SLC35F1: variants seen among roughly 807,000 people sequenced by gnomAD.
SLC35F1 encodes solute carrier family 35 member F1, also known as chromosome 6 open reading frame 169.
SLC35F1 carries 14 observed loss-of-function variants against 48.7 expected under a neutral mutation model. The ratio of observed to expected loss-of-function variants is 0.29; its 90% confidence interval spans 0.19 to 0.45. SLC35F1 has a LOEUF of 0.45. Ranked by LOEUF, SLC35F1 falls within the 20% of genes least tolerant of loss-of-function variation. SLC35F1 has a pLI of 1.00. For missense variants in SLC35F1, 404 were observed against 500.0 expected (o/e 0.81, Z 1.83); for synonymous variants, 190 against 202.2 (o/e 0.94, Z 0.51).
intron 1 of SLC35F1, among the ~76,000 whole-genome samples, chr6:118,113,265 T>C (rs59432410): frequency 0.13 from 19,995 of 152,026 alleles, 1,338 homozygotes; most frequent in South Asian, 0.28. Context: ...TTTTAAACTT[T>C]TTGTAGAGAT....
chr6:118,060,841 G>C, intron 1 of SLC35F1, among the ~76,000 whole-genome samples: 1 of 152,164 alleles, frequency 6.6e-6, no homozygotes, highest in Non-Finnish European at 1.5e-5. Context: ...TGGACATTGA[G>C]GCTCAGACAA....
chr6:118,244,256 G>A (rs1199854093), intron 3 of SLC35F1, among the ~76,000 whole-genome samples: 1 of 152,216 alleles, frequency 6.6e-6, no homozygotes, highest in Non-Finnish European at 1.5e-5. Context: ...CCCCAAAGTG[G>A]GGCTTAACCC....
intron 1 of SLC35F1, among the ~76,000 whole-genome samples, chr6:118,089,694 T>C (rs1193779545): frequency 6.6e-6 from 1 of 151,960 alleles, no homozygotes; most frequent in African/African-American, 2.4e-5. Flanking sequence ...CTTGGAAGAG[T>C]TGTGGATCTA....
At chr6:118,091,028 G>A (rs1003767584) in intron 1 of SLC35F1, among the ~76,000 whole-genome samples, 1 of 152,112 alleles carries the variant, frequency 6.6e-6, no homozygotes, top group African/African-American at 2.4e-5. Flanking sequence ...GAAAAAGAGA[G>A]AGAAATAAAA....
intron 7 of SLC35F1, among the ~76,000 whole-genome samples, chr6:118,313,074 A>G (rs1054038649): frequency 6.6e-6 from 1 of 152,180 alleles, no homozygotes; most frequent in African/African-American, 2.4e-5. Context: ...AATGGTAGGC[A>G]TCAACATATT....
intron 1 of SLC35F1, among the ~76,000 whole-genome samples, chr6:117,985,609 C>T (rs922733144): frequency 5.0e-4 from 3 of 5,972 alleles, no homozygotes; most frequent in Non-Finnish European, 1.2e-3. Context: ...AGTTGAGTGG[C>T]ATAACTATCT....
intron 1 of SLC35F1, among the ~76,000 whole-genome samples, chr6:117,982,930 CTACAAA>C (rs1582599473): frequency 1.3e-5 from 2 of 152,244 alleles, no homozygotes; most frequent in East Asian, 1.9e-4. Flanking sequence ...AGGAGACTCT[CTACAAA>C]TACATTTATT....
At chr6:118,001,675 G>T (rs1314290551) in intron 1 of SLC35F1, among the ~76,000 whole-genome samples, 2 of 152,044 alleles carry the variant, frequency 1.3e-5, no homozygotes, top group African/African-American at 2.4e-5. Context: ...CCTACAAAAT[G>T]GAAGAAAATT....
At chr6:117,977,002 A>G (rs1776713985) in intron 1 of SLC35F1, among the ~76,000 whole-genome samples, 1 of 152,216 alleles carries the variant, frequency 6.6e-6, no homozygotes, top group African/African-American at 2.4e-5. Context: ...ACTGTCCAGT[A>G]TTCAATTTTA....
intron 1 of SLC35F1, among the ~76,000 whole-genome samples, chr6:118,112,070 T>TTTA (rs1166380582): frequency 6.8e-6 from 1 of 147,008 alleles, no homozygotes; most frequent in African/African-American, 2.6e-5. Context: ...CTTTCTTTCT[T>TTTA]TTTCTTTATT....
intron 5 of SLC35F1, among the ~76,000 whole-genome samples, chr6:118,276,359 A>G (rs1250281321): frequency 6.6e-6 from 1 of 152,232 alleles, no homozygotes; most frequent in Admixed American, 6.5e-5. Flanking sequence ...CCCTTTCTAC[A>G]AACAGGTAAT....
chr6:118,171,951 T>A (rs1481674760), intron 2 of SLC35F1, among the ~76,000 whole-genome samples: 1 of 152,186 alleles, frequency 6.6e-6, no homozygotes, highest in Non-Finnish European at 1.5e-5. Context: ...TGCCAGAGCA[T>A]TGGATAATAA....
rs1040904522 is a variant in SLC35F1 at position 118,317,663 on chromosome 6, A to G, written c.*3411A>G. ...GTTTTCAAATAAAAATAAATGCTTT[A>G]TGAAAGCACCGAATTCTTGGTTTTC... On this transcript the variant is annotated 3_prime_UTR_variant, in exon 8 of 8. Coordinates refer to ENST00000360388, the MANE Select transcript of SLC35F1 (RefSeq NM_001029858.4). 1 of 152,240 alleles carries G rather than the reference A, an allele frequency of 6.6e-6. No individual in the cohort carries two copies. The highest frequency in any genetic ancestry group is 6.5e-5 in the Admixed American group (1 of 15,288). The allele number at this position is 152,240 out of a possible 1,614,324, so 9.4% of individuals were successfully genotyped here. A position where few individuals can be genotyped will look rare whatever the true frequency, so the allele number is the denominator to read the frequency against.
intron 1 of SLC35F1, among the ~76,000 whole-genome samples, chr6:117,914,007 C>G (rs1414060576): frequency 6.6e-6 from 1 of 152,020 alleles, no homozygotes; most frequent in Non-Finnish European, 1.5e-5. Context: ...GCCAAGATCA[C>G]GCCACTGCAT....
intron 1 of SLC35F1, among the ~76,000 whole-genome samples, chr6:118,051,152 C>A (rs962171394): frequency 6.6e-6 from 1 of 152,168 alleles, no homozygotes; most frequent in African/African-American, 2.4e-5. Context: ...AAATTTACTT[C>A]AAAGTCAGTT....
intron 3 of SLC35F1, among the ~76,000 whole-genome samples, chr6:118,260,044 A>G (rs929001856): frequency 4.6e-5 from 7 of 152,194 alleles, no homozygotes; most frequent in African/African-American, 1.4e-4. Flanking sequence ...TTCAGCAGTA[A>G]AAAGGAATGA....
chr6:118,039,255 T>C (rs1464745997), intron 1 of SLC35F1, among the ~76,000 whole-genome samples: 1 of 152,064 alleles, frequency 6.6e-6, no homozygotes, highest in African/African-American at 2.4e-5. Flanking sequence ...TAACATATCA[T>C]TTTTCTCTAG....
At chr6:117,963,935 A>T (rs1257257330) in intron 1 of SLC35F1, among the ~76,000 whole-genome samples, 3 of 152,184 alleles carry the variant, frequency 2.0e-5, no homozygotes, top group Non-Finnish European at 4.4e-5. Flanking sequence ...ATTAAGCCCC[A>T]CATGCATTAA....
intron 3 of SLC35F1, among the ~76,000 whole-genome samples, chr6:118,237,729 T>C (rs546879418): frequency 6.6e-6 from 1 of 152,316 alleles, no homozygotes; most frequent in African/African-American, 2.4e-5. Flanking sequence ...ATGTCCTTCA[T>C]ATTCACCTCT....
Sources: allele counts gnomAD v4.1 joint callset (sites outside exome capture counted in the v4.1 genomes callset), GRCh38; gene constraint gnomAD v4.1.1; transcripts MANE v1.5; gene names NCBI Gene and HGNC (gene_info 2026-07-23, HGNC 2026-07-21).